MARCHF5: variants seen among roughly 807,000 people sequenced by gnomAD.
MARCHF5 encodes the protein E3 ubiquitin-protein ligase MARCHF5.
In MARCHF5, 5 loss-of-function variants were observed where a neutral mutation model predicts 36.5. The observed-to-expected ratio is 0.14, with a 90% confidence interval of 0.07 to 0.29. The LOEUF is 0.29. MARCHF5 is among the 10% of genes least tolerant of loss of function. The pLI, the probability that MARCHF5 is intolerant of heterozygous loss-of-function variation, is 1.00. For synonymous variants in MARCHF5, 103 were observed against 109.9 expected (o/e 0.94, Z 0.39); for missense variants, 179 against 336.3 (o/e 0.53, Z 3.66).
Position 92,353,846 on chromosome 10 carries a change from T to C in MARCHF5, c.*2639T>C, listed in dbSNP as rs1409022109. ...GTGAAGAATATAAAATTAAACTTAGTGACTTAATTAGTCACTGCCTTGCTA... is the reference window on the plus strand; with the variant it reads ...GTGAAGAATATAAAATTAAACTTAGCGACTTAATTAGTCACTGCCTTGCTA... On this transcript the variant is annotated 3_prime_UTR_variant, in exon 6 of 6. Transcript: ENST00000358935. The C allele has an allele frequency of 1.3e-5, 2 of 152,646 alleles. No homozygotes were observed. The highest frequency in any genetic ancestry group is 2.9e-5 in the Non-Finnish European group (2 of 68,034). 9.5% of individuals were successfully genotyped at this position (152,646 alleles called of 1,614,324 possible).
intron 1 of MARCHF5, among the ~76,000 whole-genome samples, chr10:92,300,693 T>C (rs1843001857): frequency 6.6e-6 from 1 of 152,158 alleles, no homozygotes; most frequent in Non-Finnish European, 1.5e-5. Context: ...CAAACTGGCT[T>C]GCGCACTTTC....
intron 1 of MARCHF5, among the ~76,000 whole-genome samples, chr10:92,299,465 G>A (rs1423322325): frequency 6.6e-6 from 1 of 151,348 alleles, no homozygotes; most frequent in African/African-American, 2.4e-5. Context: ...TTTGCTTTAG[G>A]TGCCTTCCTC....
intron 1 of MARCHF5, among the ~76,000 whole-genome samples, chr10:92,299,954 G>A (rs542384729): frequency 4.6e-5 from 7 of 152,106 alleles, no homozygotes; most frequent in African/African-American, 9.6e-5. Flanking sequence ...CTGATCTCAG[G>A]AGTTTGAGAC....
At chr10:92,318,687 G>C (rs913526879) in intron 2 of MARCHF5, among the ~76,000 whole-genome samples, 2 of 151,818 alleles carry the variant, frequency 1.3e-5, no homozygotes, top group East Asian at 3.8e-4. Flanking sequence ...TTCTTAGGGG[G>C]AAATCATCCA....
Position 92,315,945 on chromosome 10 carries a change from A to T in MARCHF5, c.238+4608A>T, listed in dbSNP as rs187644021. On this transcript the variant is annotated intron_variant, in intron 2 of 5. Coordinates refer to ENST00000358935, the MANE Select transcript of MARCHF5 (RefSeq NM_017824.5). ...ACCTAAAAGGATTTCTGTGAAAGTC[A>T]TAATCTCCTCAAATTTGTGAAATAT... is the stretch of plus-strand genomic sequence containing the variant. Among the ~76,000 whole-genome samples, 11 of 152,340 alleles carry T rather than the reference A, an allele frequency of 7.2e-5. No individual in the cohort carries two copies. The East Asian group carries it at 2.1e-3, about 29-fold the overall frequency.
At chr10:92,329,048 A>C (rs1462943306) in intron 2 of MARCHF5, among the ~76,000 whole-genome samples, 1 of 152,148 alleles carries the variant, frequency 6.6e-6, no homozygotes, top group Admixed American at 6.5e-5. Flanking sequence ...TGTTTCATTA[A>C]GTAATACAAA....
chr10:92,350,910 G>A (rs942995675), intron 5 of MARCHF5, among the ~76,000 whole-genome samples, 181 bp from the exon 6 acceptor site: 4 of 152,106 alleles, frequency 2.6e-5, no homozygotes, highest in Non-Finnish European at 4.4e-5. Context: ...TAGTAACAGC[G>A]TATAGTCTGT....
intron 3 of MARCHF5, among the ~76,000 whole-genome samples, chr10:92,341,588 A>G (rs894066698): frequency 2.0e-5 from 3 of 152,162 alleles, no homozygotes; most frequent in Admixed American, 6.5e-5. Context: ...CCAGCTATCA[A>G]CTTAGTTTTT....
chr10:92,332,678 G>C (rs1272479054), intron 2 of MARCHF5, among the ~76,000 whole-genome samples: 1 of 151,500 alleles, frequency 6.6e-6, no homozygotes, highest in Non-Finnish European at 1.5e-5. Flanking sequence ...ACGCCACCAT[G>C]CCCAGCTAAT....
In MARCHF5 at chr10:92,291,482, G is replaced by T; in HGVS notation, c.-13G>T. ...TCCACTGGGGAAGGCCGTGTGCGCC[G>T]GCTCCGCGGAAGATGCCGGACCAAG... On this transcript the variant is annotated 5_prime_UTR_variant, in exon 1 of 6. Transcript: ENST00000358935. 6.5e-7 allele frequency: 1 copy of T among 1,547,860 alleles called. No individual in the cohort carries two copies. Among genetic ancestry groups the T allele is most frequent in the Non-Finnish European group, 8.7e-7 (1 of 1,145,016 alleles).
At chr10:92,328,825 T>A (rs1379595651) in intron 2 of MARCHF5, among the ~76,000 whole-genome samples, 27 of 141,668 alleles carry the variant, frequency 1.9e-4, no homozygotes, top group African/African-American at 3.6e-4. Flanking sequence ...ATATATATTT[T>A]TTTTTTTTTT....
chr10:92,324,538 A>G (rs1177321499), intron 2 of MARCHF5, among the ~76,000 whole-genome samples: 1 of 151,856 alleles, frequency 6.6e-6, no homozygotes, highest in African/African-American at 2.4e-5. Context: ...ATTTTTTTGT[A>G]TTTTTAGTAG....
intron 3 of MARCHF5, among the ~76,000 whole-genome samples, chr10:92,349,101 A>G (rs915802097): frequency 6.6e-6 from 1 of 152,216 alleles, no homozygotes; most frequent in East Asian, 1.9e-4. Context: ...TAATGTAATC[A>G]GTCTGGGTCA....
In MARCHF5 at chr10:92,311,981, G is replaced by A. The variant is rs114457627; in HGVS notation, c.238+644G>A. On this transcript the variant is annotated intron_variant, in intron 2 of 5. Transcript: ENST00000358935. Reference sequence around the variant, plus strand: ...TATAACTAAGGCTGATATTTAGTGAGCCTGTTCCATTACAGCCATACAGTT... The same window carrying A: ...TATAACTAAGGCTGATATTTAGTGAACCTGTTCCATTACAGCCATACAGTT... Among the ~76,000 whole-genome samples, 1,315 of 152,284 alleles carry A rather than the reference G, an allele frequency of 8.6e-3. 13 individuals carry two copies. The highest frequency in any genetic ancestry group is 0.03 in the African/African-American group (1,241 of 41,554).
chr10:92,350,232 T>C (rs1590671296), intron 5 of MARCHF5: 2 of 185,756 alleles, frequency 1.1e-5, no homozygotes, highest in East Asian at 3.2e-4. Flanking sequence ...ATCAGGATTA[T>C]TGTGAGGATT....
At chr10:92,316,507 TG>T (rs1323608629) in intron 2 of MARCHF5, among the ~76,000 whole-genome samples, 1 of 152,210 alleles carries the variant, frequency 6.6e-6, no homozygotes, top group Non-Finnish European at 1.5e-5. Flanking sequence ...TTATTAGGAA[TG>T]CAGAACACCA....
intron 2 of MARCHF5, among the ~76,000 whole-genome samples, chr10:92,327,051 A>G (rs749686723): frequency 2.0e-5 from 3 of 151,848 alleles, no homozygotes; most frequent in Non-Finnish European, 4.4e-5. Context: ...CTCTCCCTAC[A>G]CTTACACAGA....
chr10:92,308,779 A>T (rs1210989220), intron 1 of MARCHF5, among the ~76,000 whole-genome samples: 1 of 148,516 alleles, frequency 6.7e-6, no homozygotes, highest in Non-Finnish European at 1.5e-5. Context: ...ATCTTGGCTC[A>T]CTGCAAGCTC....
chr10:92,294,087 G>A (rs1842922749), intron 1 of MARCHF5, among the ~76,000 whole-genome samples: 1 of 152,102 alleles, frequency 6.6e-6, no homozygotes, highest in Non-Finnish European at 1.5e-5. Flanking sequence ...TAGAGCCTGG[G>A]CATCTATATT....
Sources: allele counts gnomAD v4.1 joint callset (sites outside exome capture counted in the v4.1 genomes callset), GRCh38; gene constraint gnomAD v4.1.1; transcripts MANE v1.5; gene names NCBI Gene and HGNC (gene_info 2026-07-23, HGNC 2026-07-21).